The following STPG2 variants were observed in gnomAD, a reference collection of about 807,000 sequenced individuals.
STPG2 encodes the protein sperm tail PG-rich repeat containing 2.
In STPG2, 56 loss-of-function variants were observed where a neutral mutation model predicts 54.2. That is an observed-to-expected ratio of 1.03 (90% CI 0.83 to 1.29). STPG2 has a LOEUF of 1.29. Among genes scored for constraint, STPG2 ranks in the 50% most tolerant of loss-of-function variants. The pLI is 0.00. For synonymous variants in STPG2, 200 were observed against 181.8 expected (o/e 1.10, Z -0.81); for missense variants, 596 against 544.9 (o/e 1.09, Z -0.93).
At chr4:97,944,955 T>C (rs1733145939) in intron 7 of STPG2, among the ~76,000 whole-genome samples, 1 of 152,226 alleles carries the variant, frequency 6.6e-6, no homozygotes, top group African/African-American at 2.4e-5. Flanking sequence ...CAGTCACATC[T>C]TTTAAAAATG....
intron 10 of STPG2, among the ~76,000 whole-genome samples, chr4:97,564,235 A>G (rs1001289685): frequency 6.6e-6 from 1 of 152,086 alleles, no homozygotes; most frequent in Non-Finnish European, 1.5e-5. Flanking sequence ...AGTCTGTTTT[A>G]TCAGAGACTA....
intron 4 of STPG2, among the ~76,000 whole-genome samples, chr4:97,515,171 C>A (rs1379590406): frequency 6.6e-6 from 1 of 152,020 alleles, no homozygotes. Context: ...GAAAACCTTA[C>A]TTATAAGAAT....
intron 4 of STPG2, among the ~76,000 whole-genome samples, chr4:97,453,033 G>C (rs936790174): frequency 6.6e-6 from 1 of 152,186 alleles, no homozygotes; most frequent in South Asian, 2.1e-4. Context: ...ACACAAACAG[G>C]GTTGAAACAT....
At chr4:97,444,959 C>A (rs1412551490) in intron 4 of STPG2, among the ~76,000 whole-genome samples, 1 of 152,116 alleles carries the variant, frequency 6.6e-6, no homozygotes, top group East Asian at 1.9e-4. Flanking sequence ...ATGGCGTGAA[C>A]CCAGGAGGCA....
intron 10 of STPG2, among the ~76,000 whole-genome samples, chr4:97,607,980 T>C (rs1733637135): frequency 6.6e-6 from 1 of 152,010 alleles, no homozygotes; most frequent in Non-Finnish European, 1.5e-5. Flanking sequence ...GTGGGAACTA[T>C]TCTCTTTTCC....
chr4:98,001,130 T>G (rs1735401687), intron 5 of STPG2, among the ~76,000 whole-genome samples: 1 of 152,120 alleles, frequency 6.6e-6, no homozygotes, highest in Non-Finnish European at 1.5e-5. Flanking sequence ...GAGTCAAAAA[T>G]TTAATATCGT....
At chr4:98,125,362 TG>T (rs1280698840) in intron 3 of STPG2, among the ~76,000 whole-genome samples, 1 of 152,054 alleles carries the variant, frequency 6.6e-6, no homozygotes, top group Non-Finnish European at 1.5e-5. Flanking sequence ...GGGTTTTTTG[TG>T]GGGTCTTTTT....
chr4:97,922,159 T>A (rs1355415921), intron 8 of STPG2, among the ~76,000 whole-genome samples: 2 of 152,194 alleles, frequency 1.3e-5, no homozygotes, highest in Non-Finnish European at 2.9e-5. Context: ...AGATCTTAAA[T>A]GTTCTAACCA....
At chr4:97,632,966 G>A (rs1239674845) in intron 10 of STPG2, among the ~76,000 whole-genome samples, 2 of 152,072 alleles carry the variant, frequency 1.3e-5, no homozygotes, top group African/African-American at 4.8e-5. Flanking sequence ...ATGGAAAGAT[G>A]GTAGATAGAT....
chr4:97,964,427 T>C (rs1249917627), intron 7 of STPG2, among the ~76,000 whole-genome samples: 2 of 152,016 alleles, frequency 1.3e-5, no homozygotes, highest in Admixed American at 1.3e-4. Flanking sequence ...CAAAGGTGTG[T>C]AGAAACACAA....
chr4:97,956,342 TTATTTGATTATAA>T lies in STPG2; in HGVS notation c.934-12348_934-12336del, dbSNP rs1578729927. Among the ~76,000 whole-genome samples the T allele has an allele frequency of 2.6e-5, 4 of 152,194 alleles. 1 individual carries two copies. The highest frequency in any genetic ancestry group is 2.4e-5 in the African/African-American group (1 of 41,534). The stretch of plus-strand genomic sequence containing the variant: ...TAAAATAAAATATTTGATTAATATT[TTATTTGATTATAA>T]TATTTGATTAATCCACACAGAAAGA... On this transcript the variant is annotated intron_variant, in intron 7 of 10. Coordinates refer to ENST00000295268, the MANE Select transcript of STPG2 (RefSeq NM_174952.3).
intron 10 of STPG2, among the ~76,000 whole-genome samples, chr4:97,624,150 A>C (rs2148926859): frequency 6.6e-6 from 1 of 152,330 alleles, no homozygotes; most frequent in African/African-American, 2.4e-5. Context: ...TTGGGTGTAT[A>C]CCCAGTAATA....
At position 98,136,998 on chromosome 4, in the gene STPG2, C is replaced by T. The variant is rs370333373; in HGVS notation, c.110-2539G>A. Reference sequence around the variant, plus strand: ...AATAGCAAAAGAGCATATTAAAACCCGAAGATACTGATAGTGAAATTAACT... The same window carrying T: ...AATAGCAAAAGAGCATATTAAAACCTGAAGATACTGATAGTGAAATTAACT... On this transcript the variant is annotated intron_variant, in intron 1 of 10. Coordinates refer to ENST00000295268, the MANE Select transcript of STPG2 (RefSeq NM_174952.3). 6.6e-5 allele frequency among the ~76,000 whole-genome samples: 10 copies of T among 151,506 alleles called. 1 individual carries two copies. Among genetic ancestry groups the T allele is most frequent in the South Asian group, 6.2e-4 (3 of 4,814 alleles).
chr4:97,497,941 A>T (rs1730645560), intron 4 of STPG2, among the ~76,000 whole-genome samples: 2 of 151,862 alleles, frequency 1.3e-5, no homozygotes, highest in Non-Finnish European at 2.9e-5. Context: ...GCTGAGGCTT[A>T]ACAAATTTTA....
chr4:97,610,526 AG>A (rs1733704566), intron 10 of STPG2, among the ~76,000 whole-genome samples: 1 of 152,036 alleles, frequency 6.6e-6, no homozygotes, highest in Non-Finnish European at 1.5e-5. Context: ...AGGCAAGAGT[AG>A]CCATGGGAAG....
chr4:98,136,602 T>G (rs1740142218), intron 1 of STPG2, among the ~76,000 whole-genome samples: 1 of 151,696 alleles, frequency 6.6e-6, no homozygotes, highest in Non-Finnish European at 1.5e-5. Flanking sequence ...GTAAGTTGAA[T>G]CATCATAAGT....
At chr4:97,907,697 C>T (rs1408422426) in intron 8 of STPG2, among the ~76,000 whole-genome samples, 4 of 152,048 alleles carry the variant, frequency 2.6e-5, no homozygotes, top group Non-Finnish European at 4.4e-5. Context: ...AGAACAGAGC[C>T]CTCAGAAATA....
chr4:97,823,743 A>G (rs1050355686), intron 9 of STPG2, among the ~76,000 whole-genome samples: 4 of 152,202 alleles, frequency 2.6e-5, no homozygotes, highest in Admixed American at 6.5e-5. Flanking sequence ...ATCTGTGTGA[A>G]ACACCAATTG....
At chr4:97,953,696 C>G (rs1226052894) in intron 7 of STPG2, among the ~76,000 whole-genome samples, 1 of 152,224 alleles carries the variant, frequency 6.6e-6, no homozygotes, top group Admixed American at 6.5e-5. Flanking sequence ...GGTGTTCCCC[C>G]ATGGGCAGAT....
Sources: allele counts gnomAD v4.1 joint callset (sites outside exome capture counted in the v4.1 genomes callset), GRCh38; gene constraint gnomAD v4.1.1; transcripts MANE v1.5; gene names NCBI Gene and HGNC (gene_info 2026-07-23, HGNC 2026-07-21).